The following NCAM2 variants were observed in gnomAD, a reference collection of about 807,000 sequenced individuals.
The protein encoded by NCAM2 is N-CAM-2.
A neutral mutation model predicts 98.1 loss-of-function variants in NCAM2; 30 were observed. That is an observed-to-expected ratio of 0.31 (90% CI 0.23 to 0.41). The LOEUF (loss-of-function observed/expected upper bound fraction) is 0.41. Among genes scored for constraint, NCAM2 ranks in the 10% least tolerant of loss-of-function variants. NCAM2 has a pLI of 1.00. For missense variants in NCAM2, 867 were observed against 1,005.8 expected (o/e 0.86, Z 1.87); for synonymous variants, 368 against 342.4 (o/e 1.07, Z -0.83).
intron 1 of NCAM2, among the ~76,000 whole-genome samples, chr21:21,059,360 A>G (rs1353362760): frequency 6.6e-6 from 1 of 152,116 alleles, no homozygotes; most frequent in African/African-American, 2.4e-5. Context: ...AAAATAGTGC[A>G]GCAGAGATAG....
chr21:21,084,099 G>C (rs2065863487), intron 1 of NCAM2, among the ~76,000 whole-genome samples: 2 of 152,118 alleles, frequency 1.3e-5, no homozygotes, highest in African/African-American at 2.4e-5. Flanking sequence ...TCACTTCCTG[G>C]TTTGTAGAAG....
intron 5 of NCAM2, among the ~76,000 whole-genome samples, chr21:21,320,509 A>G (rs2074348991): frequency 6.6e-6 from 1 of 152,168 alleles, no homozygotes; most frequent in Admixed American, 6.5e-5. Context: ...AACCAGAAGC[A>G]ATATTAATGA....
At chr21:21,246,142 G>T (rs1221084233) in intron 1 of NCAM2, among the ~76,000 whole-genome samples, 1 of 152,278 alleles carries the variant, frequency 6.6e-6, no homozygotes, top group African/African-American at 2.4e-5. Flanking sequence ...CTTTGGGGAA[G>T]TTATCTGCCA....
intron 1 of NCAM2, among the ~76,000 whole-genome samples, chr21:21,237,690 A>G (rs2070887848): frequency 6.6e-6 from 1 of 152,038 alleles, no homozygotes; most frequent in African/African-American, 2.4e-5. Flanking sequence ...CTTTTCAGAA[A>G]TTTTAGTAAA....
chr21:21,259,919 AACACACACACACACACACACACAC>A (rs10618210), intron 1 of NCAM2, among the ~76,000 whole-genome samples: 2,470 of 142,082 alleles, frequency 0.017, 78 homozygotes, highest in African/African-American at 0.062. Flanking sequence ...AATAAGAAGC[AACACACACACACACACACACACAC>A]ACACACACAC....
chr21:21,284,986 C>T (rs984742513), intron 3 of NCAM2, among the ~76,000 whole-genome samples: 3 of 151,670 alleles, frequency 2.0e-5, no homozygotes, highest in African/African-American at 4.8e-5. Context: ...AACCATTAAC[C>T]TGTTTAGGAA....
chr21:21,533,152 T>C (rs1272073087), intron 16 of NCAM2, among the ~76,000 whole-genome samples: 1 of 147,666 alleles, frequency 6.8e-6, no homozygotes, highest in Non-Finnish European at 1.5e-5. Flanking sequence ...CATTGTAGAT[T>C]TGTTGTTTGC....
intron 8 of NCAM2, among the ~76,000 whole-genome samples, chr21:21,373,359 T>C (rs2075963188): frequency 6.6e-6 from 1 of 151,852 alleles, no homozygotes; most frequent in Admixed American, 6.6e-5. Flanking sequence ...TAATACAATA[T>C]GAAATTTTGC....
At chr21:21,016,110 G>T (rs536627331) in intron 1 of NCAM2, among the ~76,000 whole-genome samples, 1 of 152,208 alleles carries the variant, frequency 6.6e-6, no homozygotes, top group South Asian at 2.1e-4. Context: ...CATTTCATAT[G>T]ATCACTCCTA....
intron 5 of NCAM2, among the ~76,000 whole-genome samples, chr21:21,323,430 T>A (rs2074428907): frequency 6.6e-6 from 1 of 152,152 alleles, no homozygotes; most frequent in Non-Finnish European, 1.5e-5. Flanking sequence ...AATGCTATTA[T>A]AGAGATATTT....
chr21:21,329,359 CATACCGT>C (rs1180804268), intron 6 of NCAM2, among the ~76,000 whole-genome samples: 1 of 152,128 alleles, frequency 6.6e-6, no homozygotes, highest in East Asian at 1.9e-4. Context: ...AGTATAGTAA[CATACCGT>C]ACAAGTTTGC....
Position 21,027,319 on chromosome 21 carries a change from G to A in NCAM2, c.55+28701G>A, listed in dbSNP as rs79898669. ...TTATTTATTTTAAAACATCTTTGGA[G>A]AGTCAACTGTTTACCAGTCATTATG... On this transcript the variant is annotated intron_variant, in intron 1 of 17. Coordinates refer to ENST00000400546, the MANE Select transcript of NCAM2 (RefSeq NM_004540.5). Among the ~76,000 whole-genome samples the A allele has an allele frequency of 5.1e-3, 769 of 152,246 alleles. 16 individuals are homozygous for A. The highest frequency in any genetic ancestry group is 0.044 in the East Asian group (226 of 5,174).
chr21:21,489,449 TTCTC>T (rs970669766), intron 15 of NCAM2, among the ~76,000 whole-genome samples: 3 of 152,216 alleles, frequency 2.0e-5, no homozygotes, highest in African/African-American at 7.2e-5. Flanking sequence ...CTCTCCCTCT[TTCTC>T]TCTCTGTCTC....
Position 21,405,825 on chromosome 21 carries a change from C to T in NCAM2, c.1196-4449C>T, listed in dbSNP as rs114186276. On this transcript the variant is annotated intron_variant, in intron 9 of 17. Transcript: ENST00000400546. ...TAATTCAAAATGGAAGGCATTTTAACATTTCTAAACTACAATCTAGGGAAT... is the reference window on the plus strand; with the variant it reads ...TAATTCAAAATGGAAGGCATTTTAATATTTCTAAACTACAATCTAGGGAAT... 7.8e-3 allele frequency among the ~76,000 whole-genome samples: 1,181 copies of T among 152,228 alleles called. 15 individuals are homozygous for T. Among genetic ancestry groups the T allele is most frequent in the African/African-American group, 0.027 (1,133 of 41,556 alleles).
chr21:21,039,388 G>A (rs968780203), intron 1 of NCAM2, among the ~76,000 whole-genome samples: 1 of 152,070 alleles, frequency 6.6e-6, no homozygotes, highest in African/African-American at 2.4e-5. Context: ...AGTAGAGTTG[G>A]GTGACTAATA....
intron 1 of NCAM2, among the ~76,000 whole-genome samples, chr21:21,216,875 G>C (rs1004755876): frequency 1.3e-5 from 2 of 152,134 alleles, no homozygotes; most frequent in African/African-American, 4.8e-5. Context: ...CAAATTAAAA[G>C]AAAAGAAAAT....
chr21:21,070,765 A>C (rs1163618059), intron 1 of NCAM2, among the ~76,000 whole-genome samples: 1 of 152,230 alleles, frequency 6.6e-6, no homozygotes. Flanking sequence ...GGATATTCAA[A>C]TAGCCTTTCC....
chr21:21,235,885 C>T (rs1214287281), intron 1 of NCAM2, among the ~76,000 whole-genome samples: 2 of 151,984 alleles, frequency 1.3e-5, no homozygotes, highest in East Asian at 3.9e-4. Context: ...CATCTATTGT[C>T]ACTATTACTT....
intron 9 of NCAM2, among the ~76,000 whole-genome samples, chr21:21,375,005 G>C (rs232522): frequency 0.36 from 54,106 of 151,090 alleles, 9,887 homozygotes; most frequent in East Asian, 0.58. Context: ...AAGAAAAAAG[G>C]ACTGTTGTGG....
Sources: allele counts gnomAD v4.1 joint callset (sites outside exome capture counted in the v4.1 genomes callset), GRCh38; gene constraint gnomAD v4.1.1; transcripts MANE v1.5; gene names NCBI Gene and HGNC (gene_info 2026-07-23, HGNC 2026-07-21).